Variants in FIGN observed in about 807,000 individuals in gnomAD.
The protein encoded by FIGN is fidgetin.
In FIGN, 11 loss-of-function variants were observed where a neutral mutation model predicts 51.3. The observed-to-expected ratio is 0.21, with a 90% CI of 0.13 to 0.35. The LOEUF (loss-of-function observed/expected upper bound fraction) is 0.35. Ranked by LOEUF, FIGN falls within the 10% of genes least tolerant of loss-of-function variation. The probability of loss-of-function intolerance (pLI) is 1.00; values close to 1 mark genes in which losing one functional copy is unlikely to be tolerated. For synonymous variants in FIGN, 407 were observed against 363.2 expected (o/e 1.12, Z -1.37); for missense variants, 857 against 943.6 (o/e 0.91, Z 1.20).
intron 2 of FIGN, among the ~76,000 whole-genome samples, chr2:163,662,735 A>T (rs1485828685): frequency 6.6e-6 from 1 of 152,144 alleles, no homozygotes; most frequent in African/African-American, 2.4e-5. Context: ...TCTCAACTTG[A>T]ATTTTATCTC....
At chr2:163,711,179 T>C (rs1460676) in intron 2 of FIGN, among the ~76,000 whole-genome samples, 29,468 of 152,114 alleles carry the variant, frequency 0.19, 3,104 homozygotes, top group East Asian at 0.37. Flanking sequence ...ATGTACATTT[T>C]ACCAGCCTTG....
chr2:163,722,244 C>T (rs10497242), intron 2 of FIGN, among the ~76,000 whole-genome samples: 11,871 of 152,262 alleles, frequency 0.078, 627 homozygotes, highest in Non-Finnish European at 0.12. Context: ...ATTAAGTTAT[C>T]GTATCAACTG....
At chr2:163,697,696 A>T (rs1364510867) in intron 2 of FIGN, among the ~76,000 whole-genome samples, 1 of 152,162 alleles carries the variant, frequency 6.6e-6, no homozygotes, top group African/African-American at 2.4e-5. Context: ...GGGTAGTTCC[A>T]CAACACACCA....
chr2:163,641,436 C>A (rs2119289), intron 2 of FIGN, among the ~76,000 whole-genome samples: 2 of 152,094 alleles, frequency 1.3e-5, no homozygotes, highest in African/African-American at 2.4e-5. Flanking sequence ...GGAATTTGTA[C>A]GCCATTAGTT....
chr2:163,637,667 C>CTT (rs567105298), intron 2 of FIGN, among the ~76,000 whole-genome samples: 18 of 145,780 alleles, frequency 1.2e-4, no homozygotes, highest in African/African-American at 3.7e-4. Context: ...AATTATTTAA[C>CTT]TTTTTTTTTT....
At chr2:163,651,216 C>T (rs1044709614) in intron 2 of FIGN, among the ~76,000 whole-genome samples, 4 of 152,066 alleles carry the variant, frequency 2.6e-5, no homozygotes, top group African/African-American at 9.7e-5. Context: ...GTATCCCAGC[C>T]CTTTGGGAGG....
At chr2:163,624,875 G>A (rs969846230) in intron 2 of FIGN, among the ~76,000 whole-genome samples, 4 of 151,876 alleles carry the variant, frequency 2.6e-5, no homozygotes, top group East Asian at 3.9e-4. Context: ...AATCTTTAGC[G>A]TGAATGTAAT....
intron 2 of FIGN, among the ~76,000 whole-genome samples, chr2:163,687,649 A>T (rs184526899): frequency 8.7e-4 from 132 of 152,332 alleles, no homozygotes; most frequent in African/African-American, 3.1e-3. Context: ...TCTACTTGCC[A>T]TTTGATTAAG....
At position 163,703,199 on chromosome 2, in the gene FIGN, C is replaced by T. The variant is rs1034670281; in HGVS notation, c.25+31704G>A. On this transcript the variant is annotated intron_variant, in intron 2 of 2. Transcript: ENST00000333129. ...AGAGGTTAAATACTTTAATTACTAACTTGCAAAAAGATTTCCATTTGAATA... is the reference window on the plus strand; with the variant it reads ...AGAGGTTAAATACTTTAATTACTAATTTGCAAAAAGATTTCCATTTGAATA... Among the ~76,000 whole-genome samples, 4 of 152,070 alleles carry T rather than the reference C, an allele frequency of 2.6e-5. No individual in the cohort carries two copies. The South Asian group carries it at 8.3e-4, about 32-fold the overall frequency.
intron 2 of FIGN, among the ~76,000 whole-genome samples, chr2:163,653,868 T>A (rs1683517360): frequency 6.6e-6 from 1 of 152,110 alleles, no homozygotes; most frequent in Non-Finnish European, 1.5e-5. Context: ...CACTTAAAAA[T>A]TTTTTTATTT....
Position 163,607,659 on chromosome 2 carries a change from T to A in FIGN, c.*1893A>T, listed in dbSNP as rs886553610. 1 of 152,532 alleles carries A rather than the reference T, an allele frequency of 6.6e-6. No individual in the cohort carries two copies. The highest frequency in any genetic ancestry group is 1.5e-5 in the Non-Finnish European group (1 of 68,024). 9.4% of individuals were successfully genotyped at this position (152,532 alleles called of 1,614,324 possible). A position where few individuals can be genotyped will look rare whatever the true frequency, so the allele number is the denominator to read the frequency against. On this transcript the variant is annotated 3_prime_UTR_variant, in exon 3 of 3. Transcript: ENST00000333129. ...ATTTAAATTTTTTTAAAAATGTACA[T>A]CACTTATTTATTGAATACATAAAAT...
intron 2 of FIGN, among the ~76,000 whole-genome samples, chr2:163,731,985 C>T (rs745382485): frequency 6.6e-6 from 1 of 151,136 alleles, no homozygotes; most frequent in African/African-American, 2.5e-5. Flanking sequence ...CAAGTTGCCT[C>T]CAGCAGTGTA....
chr2:163,652,361 A>ACACACACACACACACACACACAC (rs776188112), intron 2 of FIGN, among the ~76,000 whole-genome samples: 1 of 139,374 alleles, frequency 7.2e-6, no homozygotes, highest in Admixed American at 7.2e-5. Context: ...CACACACACA[A>ACACACACACACACACACACACAC]ACACACACAC....
chr2:163,712,655 T>C (rs1416705516), intron 2 of FIGN, among the ~76,000 whole-genome samples: 1 of 152,198 alleles, frequency 6.6e-6, no homozygotes, highest in Non-Finnish European at 1.5e-5. Flanking sequence ...TGAGGTTTTT[T>C]TTAAGGCAAA....
At chr2:163,673,847 A>G (rs1309136416) in intron 2 of FIGN, among the ~76,000 whole-genome samples, 2 of 152,178 alleles carry the variant, frequency 1.3e-5, no homozygotes, top group Admixed American at 1.3e-4. Flanking sequence ...GGCTTTAAAA[A>G]TAAAGACTTA....
intron 2 of FIGN, among the ~76,000 whole-genome samples, chr2:163,702,379 A>G (rs1233328473): frequency 6.6e-6 from 1 of 152,150 alleles, no homozygotes; most frequent in Non-Finnish European, 1.5e-5. Flanking sequence ...TTCACATACA[A>G]AAGGACAAAG....
At chr2:163,622,024 C>T (rs1682981108) in intron 2 of FIGN, among the ~76,000 whole-genome samples, 3 of 152,106 alleles carry the variant, frequency 2.0e-5, no homozygotes, top group Admixed American at 2.0e-4. Flanking sequence ...CAATAAATGG[C>T]TGATCCAGTC....
chr2:163,671,488 C>T (rs907387059), intron 2 of FIGN, among the ~76,000 whole-genome samples: 2 of 152,144 alleles, frequency 1.3e-5, no homozygotes, highest in Admixed American at 1.3e-4. Context: ...CCTTTGCCTC[C>T]TGATTTAATA....
At chr2:163,660,879 A>ATATAT (rs1281747620) in intron 2 of FIGN, among the ~76,000 whole-genome samples, 1 of 6,686 alleles carries the variant, frequency 1.5e-4, no homozygotes, top group African/African-American at 5.1e-4. Flanking sequence ...ATATATATAT[A>ATATAT]TTTTTTTTTT....
Sources: allele counts gnomAD v4.1 joint callset (sites outside exome capture counted in the v4.1 genomes callset), GRCh38; gene constraint gnomAD v4.1.1; transcripts MANE v1.5; gene names NCBI Gene and HGNC (gene_info 2026-07-23, HGNC 2026-07-21).